Variants in NEBL observed in about 807,000 individuals in gnomAD.
NEBL encodes the protein LIM and SH3 protein 2.
In NEBL, 122 loss-of-function variants were observed where a neutral mutation model predicts 140.2. That is an observed-to-expected ratio of 0.87 (90% confidence interval 0.75 to 1.01). NEBL has a LOEUF of 1.01. Ranked by LOEUF, NEBL falls within the 50% of genes least tolerant of loss-of-function variation. The pLI is 0.00. For missense variants in NEBL, 1,365 were observed against 1,231.3 expected (o/e 1.11, Z -1.62); for synonymous variants, 436 against 398.9 (o/e 1.09, Z -1.11).
intron 2 of NEBL, among the ~76,000 whole-genome samples, chr10:21,035,574 A>G (rs565497846): frequency 6.6e-6 from 1 of 152,256 alleles, no homozygotes; most frequent in South Asian, 2.1e-4. Context: ...CTAAAACTCA[A>G]TAGGTCATTA....
chr10:21,291,993 T>C (rs1056078318), intron 1 of NEBL, among the ~76,000 whole-genome samples: 2 of 144,048 alleles, frequency 1.4e-5, no homozygotes, highest in African/African-American at 5.4e-5. Flanking sequence ...ATAAGTTTAA[T>C]GCCCAGACTT....
chr10:20,869,890 C>T, intron 5 of NEBL, 49 bp from the exon 6 acceptor site: 2 of 1,123,298 alleles, frequency 1.8e-6, no homozygotes, highest in South Asian at 2.5e-5. Context: ...AGTAATTTCA[C>T]ATAGCTACTA....
In NEBL at chr10:20,831,454, T is replaced by C; in HGVS notation, c.1560+19A>G. On this transcript the variant is annotated intron_variant, in intron 15 of 27. Coordinates refer to ENST00000377122, the MANE Select transcript of NEBL (RefSeq NM_006393.3). ...TTCACGGCATTTATTTTAAACTTTG[T>C]ATCTTGCTGCTGTCTTACCTGGCTG... 1 of 1,574,838 alleles carries C rather than the reference T, an allele frequency of 6.3e-7. No individual in the cohort carries two copies. The highest frequency in any genetic ancestry group is 8.7e-7 in the Non-Finnish European group (1 of 1,145,504).
intron 2 of NEBL, among the ~76,000 whole-genome samples, chr10:21,090,384 C>T (rs1197180150): frequency 6.6e-6 from 1 of 152,120 alleles, no homozygotes; most frequent in African/African-American, 2.4e-5. Flanking sequence ...ATTCCATAAA[C>T]AATACAACAA....
intron 20 of NEBL, chr10:20,818,681 T>G (rs1763323480): frequency 4.6e-5 from 25 of 539,348 alleles, no homozygotes; most frequent in South Asian, 1.6e-4. Flanking sequence ...ATGAGGTCCT[T>G]GAGGATAGAA....
chr10:20,924,198 C>T (rs753860697), intron 4 of NEBL, among the ~76,000 whole-genome samples: 4 of 152,048 alleles, frequency 2.6e-5, no homozygotes, highest in African/African-American at 7.2e-5. Context: ...CTCTTATTGG[C>T]ATTTCATGGG....
chr10:20,875,668 GGAGAT>G (rs1845428423), intron 5 of NEBL, among the ~76,000 whole-genome samples: 1 of 152,126 alleles, frequency 6.6e-6, no homozygotes, highest in African/African-American at 2.4e-5. Context: ...ACTTTCACTT[GGAGAT>G]GAGAAGATTG....
intron 1 of NEBL, among the ~76,000 whole-genome samples, chr10:21,262,441 T>G (rs1842751131): frequency 6.6e-6 from 1 of 152,154 alleles, no homozygotes; most frequent in Admixed American, 6.6e-5. Context: ...CTGTTCCCTA[T>G]GGGGGTCTCT....
intron 2 of NEBL, among the ~76,000 whole-genome samples, chr10:21,126,668 G>GC (rs1334219993): frequency 1.3e-5 from 2 of 152,042 alleles, no homozygotes; most frequent in African/African-American, 4.8e-5. Context: ...AGACACACAA[G>GC]CCAATTAGAA....
chr10:20,836,079 T>C (rs1457167222), intron 13 of NEBL, among the ~76,000 whole-genome samples: 3 of 151,842 alleles, frequency 2.0e-5, no homozygotes, highest in Non-Finnish European at 4.4e-5. Context: ...GATATTGCAT[T>C]TTTTTTTACA....
chr10:21,020,589 G>A (rs1019598704), intron 2 of NEBL, among the ~76,000 whole-genome samples: 7 of 152,164 alleles, frequency 4.6e-5, no homozygotes, highest in Admixed American at 2.0e-4. Context: ...TCTCCTCTCC[G>A]ACTCATTCCC....
intron 26 of NEBL, among the ~76,000 whole-genome samples, chr10:20,793,177 C>T (rs1200763947): frequency 6.6e-6 from 1 of 152,102 alleles, no homozygotes; most frequent in Non-Finnish European, 1.5e-5. Flanking sequence ...AGGCTTACTG[C>T]ATAATAAACT....
At chr10:20,854,616 G>T (rs559400989) in intron 9 of NEBL, among the ~76,000 whole-genome samples, 97 of 145,326 alleles carry the variant, frequency 6.7e-4, no homozygotes, top group African/African-American at 2.3e-3. Flanking sequence ...CCAGGCTGGA[G>T]TGCAGTGGAG....
intron 4 of NEBL, among the ~76,000 whole-genome samples, chr10:20,921,186 G>A (rs1806245611): frequency 6.6e-6 from 1 of 152,186 alleles, no homozygotes; most frequent in African/African-American, 2.4e-5. Context: ...CCAACACAGA[G>A]TAGTGCTGAT....
chr10:21,241,318 C>G (rs1842437361), intron 3 of NEBL, among the ~76,000 whole-genome samples: 2 of 151,948 alleles, frequency 1.3e-5, no homozygotes, highest in African/African-American at 4.8e-5. Flanking sequence ...GACCAAGAGC[C>G]AGCCTGAGCC....
chr10:21,014,877 T>C (rs1001020532), intron 3 of NEBL, among the ~76,000 whole-genome samples: 2 of 152,208 alleles, frequency 1.3e-5, no homozygotes, highest in Non-Finnish European at 2.9e-5. Flanking sequence ...TCATTTATCG[T>C]ACTTCCTATG....
intron 1 of NEBL, among the ~76,000 whole-genome samples, chr10:21,172,910 C>T (rs887146147): frequency 5.3e-5 from 8 of 152,158 alleles, no homozygotes; most frequent in South Asian, 2.1e-4. Flanking sequence ...GAGGGGGCTG[C>T]ACGAGAGCTA....
At chr10:21,112,896 G>C in intron 2 of NEBL, 1 of 364,794 alleles carries the variant, frequency 2.7e-6, no homozygotes, top group Non-Finnish European at 5.3e-6. Context: ...TGTGGAGGAA[G>C]ATGCAGAGTC....
At chr10:20,991,020 C>T (rs1270055759) in intron 3 of NEBL, among the ~76,000 whole-genome samples, 2 of 152,198 alleles carry the variant, frequency 1.3e-5, no homozygotes, top group African/African-American at 4.8e-5. Context: ...AAATTAGCAT[C>T]CCTAACACAT....
Sources: allele counts gnomAD v4.1 joint callset (sites outside exome capture counted in the v4.1 genomes callset), GRCh38; gene constraint gnomAD v4.1.1; transcripts MANE v1.5; gene names NCBI Gene and HGNC (gene_info 2026-07-23, HGNC 2026-07-21).